Variants in ITGA7 observed in about 807,000 individuals in gnomAD.
ITGA7 encodes the protein integrin alpha-7.
ITGA7 carries 84 observed loss-of-function variants against 131.6 expected under a neutral mutation model. That is an observed-to-expected ratio of 0.64 (90% confidence interval 0.54 to 0.77). ITGA7 has a LOEUF of 0.77. Among genes scored for constraint, ITGA7 ranks in the 30% least tolerant of loss-of-function variants. The pLI is 0.00. For synonymous variants in ITGA7, 548 were observed against 600.7 expected, an observed-to-expected ratio of 0.91 and a Z score of 1.28; for missense variants, 1,399 against 1,482.9, an observed-to-expected ratio of 0.94 and a Z score of 0.93.
chr12:55,700,424 C>T (rs1049180912), intron 4 of ITGA7: 5 of 1,585,806 alleles, frequency 3.2e-6, no homozygotes, highest in African/African-American at 1.4e-5. Context: ...GTGCCCAGGG[C>T]AGGGCGCAAG....
chr12:55,693,983 G>A, intron 19 of ITGA7, 38 bp downstream of exon 19: 1 of 1,509,998 alleles, frequency 6.6e-7, no homozygotes, highest in Non-Finnish European at 9.1e-7. Flanking sequence ...GCCAAGGAGG[G>A]AGGGTGACCA....
chr12:55,694,968 T>A lies in ITGA7; in HGVS notation c.2006A>T (p.Asp669Val), dbSNP rs529009372. The change falls in exon 15 of 25, where the codon GAT (aspartate) becomes GTT (valine). Residue 669 changes from aspartate to valine, a missense_variant and splice_region_variant. By Grantham distance (152) the Asp-to-Val change is radical. Transcript: ENST00000257879. This position sits in a 1 kb window ranked among gnomAD's most constrained non-coding sequence, Gnocchi z 5.3. The part of the protein sequence containing the change: ...SDTEFQPLPM[D>V]VDGTTALFAL... ...AAACAGGGCTGTTGTTCCATCCACA[T>A]CCCTGGAGAGTCAGACCCCACTCCT... 2 of 1,612,904 alleles carry A rather than the reference T, an allele frequency of 1.2e-6. No individual in the cohort carries two copies. Among genetic ancestry groups the A allele is most frequent in the Admixed American group, 1.7e-5 (1 of 59,994 alleles).
intron 5 of ITGA7, chr12:55,699,482 A>C: frequency 3.2e-6 from 1 of 314,872 alleles, no homozygotes; most frequent in Non-Finnish European, 6.1e-6. Flanking sequence ...CTGCAGAGGA[A>C]TGCAGATGAG....
At chr12:55,701,206 T>A in intron 3 of ITGA7, 52 bp from the exon 4 acceptor site, 8 of 1,613,434 alleles carry the variant, frequency 5.0e-6, no homozygotes, top group Non-Finnish European at 6.8e-6. Flanking sequence ...AGGGACCTGC[T>A]TGAGGCATGC....
In ITGA7 at chr12:55,694,052, T is replaced by A; in HGVS notation, c.2504A>T (p.Asp835Val). The change falls in exon 19 of 25, where the codon GAT becomes GTT. Residue 835 changes from aspartate (D) to valine (V), a missense_variant. Asp to Val is a radical substitution (Grantham distance 152). Transcript: ENST00000257879. This position sits in a 1 kb window ranked among gnomAD's most constrained non-coding sequence, Gnocchi z 5.3. ...RGERAMQSERDVGSKVKYEVT... is the reference protein window; with the variant it reads ...RGERAMQSERVVGSKVKYEVT... ...CTCATACTTGACCTTGCTGCCCACA[T>A]CCCGCTCAGACTGCATGGCTCTCTC... is the stretch of plus-strand genomic sequence containing the variant. The A allele has an allele frequency of 6.2e-7, 1 of 1,614,086 alleles. No individual in the cohort carries two copies. Among genetic ancestry groups the A allele is most frequent in the South Asian group, 1.1e-5 (1 of 91,068 alleles).
In ITGA7 at chr12:55,696,810, T is replaced by C. The variant is rs1041903846; in HGVS notation, c.1737+89A>G. ...TCTAGGTCTTAGAAGGAGGCACGAG[T>C]GTGCTCGGGAAAAAGCAGCTAAGAG... On this transcript the variant is annotated intron_variant, in intron 12 of 24. Transcript: ENST00000257879. 2.1e-5 allele frequency: 31 copies of C among 1,465,528 alleles called. No homozygotes were observed. In the African/African-American group the frequency reaches 4.0e-4, roughly 19 times the overall value. The allele number at this position is 1,465,528 out of a possible 1,614,324, so 90.8% of individuals were successfully genotyped here.
upstream of ITGA7, chr12:55,712,080 C>G: frequency 6.4e-7 from 1 of 1,551,506 alleles, no homozygotes; most frequent in Non-Finnish European, 8.7e-7. Flanking sequence ...GCACTGGAAT[C>G]CTTCTGCCTG....
Position 55,698,819 on chromosome 12 carries a change from G to A in ITGA7, c.889C>T (p.Leu297=). ...AGGCGACTGGCGCTGTCCTTGCGCA[G>A]GATGACCACAGCACCCTTGTGGTTG... ...RANHKGAVVI[L]RKDSASRLVP... Residue 297 remains leucine, a synonymous_variant, in exon 6 of 25, where the codon CTG becomes TTG. Coordinates refer to ENST00000257879, the MANE Select transcript of ITGA7 (RefSeq NM_002206.3). The A allele has an allele frequency of 6.2e-7, 1 of 1,614,048 alleles. No individual in the cohort carries two copies. The highest frequency in any genetic ancestry group is 8.5e-7 in the Non-Finnish European group (1 of 1,180,008).
chr12:55,697,297 T>A lies in ITGA7; in HGVS notation c.1506-20A>T, dbSNP rs1872839469. On this transcript the variant is annotated intron_variant, in intron 10 of 24. Coordinates refer to ENST00000257879, the MANE Select transcript of ITGA7 (RefSeq NM_002206.3). ...TCCACACTGCGGGGGCAAAGGTGGC[T>A]CCTGAGCCAAACGAGGCTGATGGGC... The A allele has an allele frequency of 6.3e-7, 1 of 1,589,064 alleles. No homozygotes were observed. The highest frequency in any genetic ancestry group is 1.8e-5 in the Admixed American group (1 of 54,968).
Position 55,694,714 on chromosome 12 carries a change from C to A in ITGA7, c.2197-19G>T. On this transcript the variant is annotated intron_variant, in intron 15 of 24. Transcript: ENST00000257879. This position sits in a 1 kb window ranked among gnomAD's most constrained non-coding sequence, Gnocchi z 5.3. ...GCTTCTCCTGGAATGGGAGAGAAGGCAAGGTCAGTCTGGGTTACTGGAGCC... is the reference window on the plus strand; with the variant it reads ...GCTTCTCCTGGAATGGGAGAGAAGGAAAGGTCAGTCTGGGTTACTGGAGCC... 1 of 1,614,052 alleles carries A rather than the reference C, an allele frequency of 6.2e-7. No individual in the cohort carries two copies. The highest frequency in any genetic ancestry group is 8.5e-7 in the Non-Finnish European group (1 of 1,179,938).
rs200065922 is a variant in ITGA7 at position 55,696,405 on chromosome 12, T to G, written c.1765A>C (p.Ile589Leu). 1,261 of 1,601,496 alleles carry G rather than the reference T, an allele frequency of 7.9e-4. 2 individuals carry two copies. Among genetic ancestry groups the G allele is most frequent in the Non-Finnish European group, 1.0e-3 (1,210 of 1,172,984 alleles). The change falls in exon 13 of 25, where the codon ATT becomes CTT. Residue 589 changes from isoleucine (I) to leucine (L), a missense_variant. By Grantham distance (5) the Ile-to-Leu change is conservative. Transcript: ENST00000257879. Reference sequence around the variant, plus strand: ...AGACTGTAGGACAAGGTCACTACAATGGCCCGAAGCTTGTCTTTGACATTT... The same window carrying G: ...AGACTGTAGGACAAGGTCACTACAAGGGCCCGAAGCTTGTCTTTGACATTT... ...QENVKDKLRA[I>L]VVTLSYSLQT... is the part of the protein sequence containing the mutation.
chr12:55,703,625 G>C (rs1874565228), intron 1 of ITGA7, among the ~76,000 whole-genome samples: 2 of 152,092 alleles, frequency 1.3e-5, no homozygotes, highest in African/African-American at 4.8e-5. Context: ...GGGAGCAAAA[G>C]TAACAGGGCC....
rs1255044220 is a variant in ITGA7 at position 55,694,816 on chromosome 12, A to T, written c.2158T>A (p.Ser720Thr). 1.2e-6 allele frequency: 2 copies of T among 1,613,594 alleles called. No individual in the cohort carries two copies. The highest frequency in any genetic ancestry group is 2.7e-5 in the African/African-American group (2 of 74,724). ...GCCCGGACCCCTGAGTAGTGCAGTG[A>T]GTCAGGAAGCATGACCAGGAGCTGG... ...EAQLLVMLPDSLHYSGVRALD... is the reference protein window; with the variant it reads ...EAQLLVMLPDTLHYSGVRALD... Residue 720 changes from serine to threonine, a missense_variant, in exon 15 of 25, where the codon TCA becomes ACA. Coordinates refer to ENST00000257879, the MANE Select transcript of ITGA7 (RefSeq NM_002206.3). The surrounding 1 kb of genome is among the most constrained non-coding windows in gnomAD (Gnocchi z 5.3).
At chr12:55,695,433 T>C in intron 14 of ITGA7, 89 bp downstream of exon 14, 1 of 937,930 alleles carries the variant, frequency 1.1e-6, no homozygotes, top group Non-Finnish European at 1.7e-6. Context: ...GGCTCAGCCC[T>C]TCCCTCTGAC....
At chr12:55,706,844 T>C (rs1171789177) in intron 1 of ITGA7, among the ~76,000 whole-genome samples, 1 of 152,150 alleles carries the variant, frequency 6.6e-6, no homozygotes, top group Non-Finnish European at 1.5e-5. Context: ...CTACTGCTAC[T>C]AGTACTTTGA....
intron 20 of ITGA7, 71 bp downstream of exon 20, chr12:55,693,070 C>T: frequency 6.2e-7 from 1 of 1,610,910 alleles, no homozygotes; most frequent in Non-Finnish European, 8.5e-7. Flanking sequence ...TGCCCCATCA[C>T]TGCACTCACT....
In ITGA7 at chr12:55,697,742, G is replaced by A. The variant is rs766852749; in HGVS notation, c.1362C>T (p.Tyr454=). 6.2e-6 allele frequency: 10 copies of A among 1,613,990 alleles called. No homozygotes were observed. The South Asian group carries it at 1.1e-4, about 18-fold the overall frequency. ...SGSLDMDGNQ[Y]PDLLVGSLAD... ...CCAGGGAGCCCACCAGCAGGTCAGG[G>A]TATTGGTTCCCATCCATATCCAAGC... The change falls in exon 9 of 25, where the codon TAC becomes TAT. Residue 454 remains tyrosine (Y), a synonymous_variant. Transcript: ENST00000257879.
chr12:55,704,342 C>T (rs1874733384), intron 1 of ITGA7, among the ~76,000 whole-genome samples: 1 of 152,226 alleles, frequency 6.6e-6, no homozygotes, highest in East Asian at 1.9e-4. Context: ...AACTCCTCCT[C>T]ATCTCTTAGC....
chr12:55,709,411 ATAAGT>A (rs1875829411), upstream of ITGA7, among the ~76,000 whole-genome samples: 1 of 152,164 alleles, frequency 6.6e-6, no homozygotes, highest in African/African-American at 2.4e-5. Flanking sequence ...TTTGCCTTGG[ATAAGT>A]TAACAGACAT....
Sources: gnomAD v4.1 joint callset for allele counts (sites outside exome capture counted in the v4.1 genomes callset) on GRCh38, gnomAD v4.1.1 for gene constraint, Gnocchi (gnomAD v3.1) non-coding constraint, MANE v1.5 for transcripts, NCBI Gene and HGNC (gene_info 2026-07-23, HGNC 2026-07-21) for gene names.